The following ATRNL1 variants were observed in gnomAD, a reference collection of about 807,000 sequenced individuals.
ATRNL1 encodes the protein attractin-like protein 1.
A neutral mutation model predicts 182.7 loss-of-function variants in ATRNL1; 95 were observed. The ratio of observed to expected loss-of-function variants is 0.52; its 90% CI spans 0.44 to 0.62. ATRNL1 has a LOEUF of 0.62. ATRNL1 is among the 20% of genes least tolerant of loss of function. The pLI is 0.00. For missense variants in ATRNL1, 1,471 were observed against 1,679.5 expected (o/e 0.88, Z 2.17); for synonymous variants, 576 against 568.3 (o/e 1.01, Z -0.19).
chr10:115,572,336 T>C (rs1854443944), intron 26 of ATRNL1, among the ~76,000 whole-genome samples: 1 of 152,068 alleles, frequency 6.6e-6, no homozygotes, highest in African/African-American at 2.4e-5. Context: ...TTGGACTACA[T>C]AGGTGGTAAT....
At chr10:115,457,905 C>T (rs1847607142) in intron 21 of ATRNL1, among the ~76,000 whole-genome samples, 1 of 151,896 alleles carries the variant, frequency 6.6e-6, no homozygotes, top group Admixed American at 6.6e-5. Context: ...GTGTTATTTC[C>T]CCAATCTAAA....
In ATRNL1 at chr10:115,371,024, A is replaced by G. The variant is rs375036843; in HGVS notation, c.3176-23635A>G. 5.3e-5 allele frequency among the ~76,000 whole-genome samples: 8 copies of G among 152,294 alleles called. No individual in the cohort carries two copies. The South Asian group carries it at 1.4e-3, about 28-fold the overall frequency. ...AAGGGGCCAAGGTACAGCTTGGGCC[A>G]TGGGTTCAGAGAGTGCAAGCCCCAA... On this transcript the variant is annotated intron_variant, in intron 19 of 28. Transcript: ENST00000355044.
At chr10:115,899,619 A>T (rs1199686957) in intron 28 of ATRNL1, among the ~76,000 whole-genome samples, 8 of 152,040 alleles carry the variant, frequency 5.3e-5, no homozygotes, top group Admixed American at 5.2e-4. Context: ...ATTATATGAA[A>T]TTTTTAAGTA....
intron 10 of ATRNL1, among the ~76,000 whole-genome samples, chr10:115,248,561 T>C (rs182352153): frequency 5.3e-4 from 80 of 152,280 alleles, no homozygotes; most frequent in Non-Finnish European, 1.0e-3. Flanking sequence ...GGACATATCA[T>C]TGTATGTTAA....
chr10:115,112,065 ACC>A (rs1554868228), intron 1 of ATRNL1, among the ~76,000 whole-genome samples: 1 of 133,894 alleles, frequency 7.5e-6, no homozygotes, highest in African/African-American at 3.0e-5. Flanking sequence ...AACAAAAAAA[ACC>A]CAAAAAAAAA....
chr10:115,154,291 T>A (rs1332010679), intron 5 of ATRNL1, among the ~76,000 whole-genome samples: 1 of 152,000 alleles, frequency 6.6e-6, no homozygotes, highest in Non-Finnish European at 1.5e-5. Context: ...CATTGATCTG[T>A]CTAATATTGA....
intron 19 of ATRNL1, among the ~76,000 whole-genome samples, chr10:115,337,002 C>T (rs1420877333): frequency 6.6e-6 from 1 of 150,788 alleles, no homozygotes; most frequent in Admixed American, 6.6e-5. Flanking sequence ...TACAGGGGCC[C>T]GCCACCATGC....
intron 19 of ATRNL1, among the ~76,000 whole-genome samples, chr10:115,383,510 C>T (rs1011470677): frequency 6.6e-6 from 1 of 151,200 alleles, no homozygotes; most frequent in African/African-American, 2.4e-5. Context: ...TCCCTTACTG[C>T]GTTTATGTTT....
rs367578508 is a variant in ATRNL1 at position 115,735,015 on chromosome 10, C to G, written c.3903+7660C>G. Among the ~76,000 whole-genome samples, 163 of 152,154 alleles carry G rather than the reference C, an allele frequency of 1.1e-3. 1 individual carries two copies. The South Asian group carries it at 0.015, about 14-fold the overall frequency. On this transcript the variant is annotated intron_variant, in intron 27 of 28. Transcript: ENST00000355044. ...CTTCCAATTTTCTTTGTTTTTGTTA[C>G]CTTTGTTAAGTTCTATGAGTTTTGT...
At chr10:115,808,628 G>T (rs150992312) in intron 27 of ATRNL1, among the ~76,000 whole-genome samples, 1 of 152,082 alleles carries the variant, frequency 6.6e-6, no homozygotes, top group African/African-American at 2.4e-5. Flanking sequence ...GGGCGGCACC[G>T]CTATGCATTC....
intron 8 of ATRNL1, among the ~76,000 whole-genome samples, chr10:115,204,996 A>G (rs77414176): frequency 0.023 from 3,536 of 152,154 alleles, 60 homozygotes; most frequent in Non-Finnish European, 0.034. Flanking sequence ...AGCTGATAAC[A>G]TCTTAACTTA....
At chr10:115,173,032 C>T (rs891100202) in intron 8 of ATRNL1, among the ~76,000 whole-genome samples, 3 of 151,928 alleles carry the variant, frequency 2.0e-5, no homozygotes, top group Admixed American at 6.6e-5. Context: ...TATCATCACT[C>T]GCAATTGATG....
At chr10:115,123,121 G>A (rs782324574) in intron 3 of ATRNL1, among the ~76,000 whole-genome samples, 7 of 152,180 alleles carry the variant, frequency 4.6e-5, no homozygotes, top group African/African-American at 9.7e-5. Context: ...ATTAGCAGGT[G>A]AGATTTAGTA....
At chr10:115,726,094 G>C (rs1947587541) in intron 26 of ATRNL1, among the ~76,000 whole-genome samples, 1 of 151,838 alleles carries the variant, frequency 6.6e-6, no homozygotes, top group African/African-American at 2.4e-5. Context: ...ATAATAAACT[G>C]TCATGGCAGT....
chr10:115,288,033 C>A (rs943532762), intron 15 of ATRNL1, among the ~76,000 whole-genome samples: 1 of 151,364 alleles, frequency 6.6e-6, no homozygotes, highest in Admixed American at 6.6e-5. Context: ...CCACTTCCAT[C>A]CATGTTGCCA....
chr10:115,276,387 A>C (rs1487252933), intron 13 of ATRNL1, among the ~76,000 whole-genome samples: 1 of 152,208 alleles, frequency 6.6e-6, no homozygotes, highest in Non-Finnish European at 1.5e-5. Flanking sequence ...ATATCTTAAA[A>C]ATTGTATTAT....
chr10:115,315,844 A>G (rs1375952150), intron 18 of ATRNL1, 108 bp downstream of exon 18: 1 of 831,738 alleles, frequency 1.2e-6, no homozygotes, highest in Non-Finnish European at 1.8e-6. Context: ...AAGCAGAATG[A>G]AAATGAGACT....
At chr10:115,623,665 G>A (rs1565223074) in intron 26 of ATRNL1, among the ~76,000 whole-genome samples, 1 of 151,784 alleles carries the variant, frequency 6.6e-6, no homozygotes. Context: ...TTAAATAGTG[G>A]GGGTAAACAA....
At chr10:115,408,199 T>C (rs1265995741) in intron 20 of ATRNL1, among the ~76,000 whole-genome samples, 1 of 151,486 alleles carries the variant, frequency 6.6e-6, no homozygotes, top group African/African-American at 2.4e-5. Flanking sequence ...GAGACGGGGT[T>C]TCACCTTGTT....
Sources: allele counts gnomAD v4.1 joint callset (sites outside exome capture counted in the v4.1 genomes callset), GRCh38; gene constraint gnomAD v4.1.1; transcripts MANE v1.5; gene names NCBI Gene and HGNC (gene_info 2026-07-23, HGNC 2026-07-21).